MFSD8: variants seen among roughly 807,000 people sequenced by gnomAD.
The protein encoded by MFSD8 is major facilitator superfamily domain containing 8.
A neutral mutation model predicts 66.4 loss-of-function variants in MFSD8; 55 were observed. The observed-to-expected ratio is 0.83, with a 90% CI of 0.67 to 1.04. MFSD8 has a LOEUF of 1.04. MFSD8 is among the 50% of genes least tolerant of loss of function. The pLI is 0.00. For synonymous variants in MFSD8, 202 were observed against 212.8 expected, an observed-to-expected ratio of 0.95 and a Z score of 0.44; for missense variants, 550 against 627.6, an observed-to-expected ratio of 0.88 and a Z score of 1.32.
intron 3 of MFSD8, among the ~76,000 whole-genome samples, chr4:127,947,682 G>A (rs2148935939): frequency 6.6e-6 from 1 of 152,056 alleles, no homozygotes; most frequent in South Asian, 2.1e-4. Context: ...AGGAGAAAGG[G>A]GAGAGCAAAA....
intron 1 of MFSD8, chr4:127,964,779 T>A: frequency 1.8e-6 from 1 of 550,234 alleles, no homozygotes; most frequent in East Asian, 3.2e-5. Flanking sequence ...CTGTGAGGAC[T>A]GCCAGCACGC....
intron 3 of MFSD8, among the ~76,000 whole-genome samples, chr4:127,949,509 G>A (rs1033632381): frequency 1.3e-5 from 2 of 152,178 alleles, no homozygotes; most frequent in African/African-American, 4.8e-5. Flanking sequence ...AGGTAATGAT[G>A]GAATATGAAT....
At chr4:127,962,734 C>T (rs1005990488) in intron 1 of MFSD8, among the ~76,000 whole-genome samples, 2 of 152,166 alleles carry the variant, frequency 1.3e-5, no homozygotes, top group African/African-American at 4.8e-5. Flanking sequence ...TCCCAAATGT[C>T]TCAATAGGCT....
chr4:127,943,571 G>C (rs1382499221), intron 4 of MFSD8, 181 bp downstream of exon 4: 1 of 645,524 alleles, frequency 1.5e-6, no homozygotes, highest in Non-Finnish European at 2.6e-6. Flanking sequence ...AGAAACTATA[G>C]GTAATGAGAA....
chr4:127,923,556 TTATTA>T (rs1250077105), intron 9 of MFSD8, among the ~76,000 whole-genome samples: 1,325 of 70,600 alleles, frequency 0.019, 25 homozygotes, highest in African/African-American at 0.068. Context: ...TTTTTATTTA[TTATTA>T]TTATTATTAT....
At chr4:127,949,891 A>C (rs766792076) in intron 2 of MFSD8, 44 bp from the exon 3 acceptor site, 7 of 1,519,288 alleles carry the variant, frequency 4.6e-6, no homozygotes, top group Non-Finnish European at 6.4e-6. Context: ...TAATAATTTA[A>C]TCATTATTAC....
At position 127,921,524 on chromosome 4, in the gene MFSD8, C is replaced by T. The variant is rs796052738; in HGVS notation, c.1350G>A (p.Gln450=). The change falls in exon 11 of 12, where the codon CAG becomes CAA. Residue 450 remains glutamine, a splice_region_variant and synonymous_variant. Transcript: ENST00000641686. ...LYSKILGPKP[Q]GVYMGWLTAS... ...TGCAATGTCAGGGTACCTGGCTTAC[C>T]TGAGGTTTTGGTCCTAGAATTTTTG... 6.2e-7 allele frequency: 1 copy of T among 1,614,110 alleles called. No individual in the cohort carries two copies. The highest frequency in any genetic ancestry group is 8.5e-7 in the Non-Finnish European group (1 of 1,180,034).
chr4:127,922,685 T>C (rs1323243779), intron 9 of MFSD8, among the ~76,000 whole-genome samples: 1 of 152,132 alleles, frequency 6.6e-6, no homozygotes, highest in African/African-American at 2.4e-5. Flanking sequence ...AAGTACTCTT[T>C]GGTCAGTTTT....
At chr4:127,921,999 A>G (rs767246880) in intron 9 of MFSD8, 36 bp from the exon 10 acceptor site, 3 of 1,540,972 alleles carry the variant, frequency 1.9e-6, no homozygotes, top group Non-Finnish European at 1.8e-6. Context: ...TTTTAAAATG[A>G]AACATTATAA....
chr4:127,933,214 G>A (rs1738464193), intron 7 of MFSD8, 121 bp from the exon 8 acceptor site: 1 of 758,550 alleles, frequency 1.3e-6, no homozygotes, highest in African/African-American at 1.8e-5. Flanking sequence ...AAAATTTTTA[G>A]GCTTCAAAGT....
rs931074042 is a variant in MFSD8 at position 127,963,589 on chromosome 4, A to G, written c.62+1483T>C. Among the ~76,000 whole-genome samples, 5 of 148,706 alleles carry G rather than the reference A, an allele frequency of 3.4e-5. No individual in the cohort carries two copies. The South Asian group carries it at 6.4e-4, about 19-fold the overall frequency. On this transcript the variant is annotated intron_variant, in intron 1 of 11. Coordinates refer to ENST00000641686, the MANE Select transcript of MFSD8 (RefSeq NM_001371596.2). ...GCAGACCTTCGTGGTGAGTGTTACA[A>G]CTCTTAAGGCGGCGCGTCTGGAGTT...
Position 127,921,330 on chromosome 4 carries a change from T to A in MFSD8, c.1350+194A>T. On this transcript the variant is annotated intron_variant, in intron 11 of 11. Transcript: ENST00000641686. ...CAATGCCACTCCTACAACTTCTGTA[T>A]CCAAAACTATAACCCACATAACCTA... 3.2e-6 allele frequency: 3 copies of A among 925,620 alleles called. No individual in the cohort carries two copies. In the South Asian group the frequency reaches 5.2e-5, roughly 16 times the overall value. 57.3% of individuals were successfully genotyped at this position (925,620 alleles called of 1,614,324 possible). A position where few individuals can be genotyped will look rare whatever the true frequency, so the allele number is the denominator to read the frequency against.
intron 3 of MFSD8, among the ~76,000 whole-genome samples, chr4:127,948,049 G>A (rs1370661877): frequency 6.6e-6 from 1 of 152,032 alleles, no homozygotes; most frequent in Non-Finnish European, 1.5e-5. Flanking sequence ...TGGTTTGAAT[G>A]TGTCCCCCAA....
intron 2 of MFSD8, among the ~76,000 whole-genome samples, chr4:127,956,055 G>A (rs767273810): frequency 5.3e-5 from 8 of 151,426 alleles, no homozygotes; most frequent in Admixed American, 2.0e-4. Context: ...GGAGGCAGAG[G>A]TTGCAGTAAG....
In MFSD8 at chr4:127,930,601, T is replaced by C. The variant is rs908017622; in HGVS notation, c.998+82A>G. On this transcript the variant is annotated intron_variant, in intron 9 of 11. Transcript: ENST00000641686. The stretch of plus-strand genomic sequence containing the variant: ...AAAAAAAAGCTTTAAATTATTTTCC[T>C]GGTATATCCATTTGCATTGTTAGCT... 12 of 1,441,972 alleles carry C rather than the reference T, an allele frequency of 8.3e-6. No homozygotes were observed. The Admixed American group carries it at 1.2e-4, about 14-fold the overall frequency. 89.3% of individuals were successfully genotyped at this position (1,441,972 alleles called of 1,614,324 possible). A position where few individuals can be genotyped will look rare whatever the true frequency, so the allele number is the denominator to read the frequency against.
At chr4:127,933,141 T>C in intron 7 of MFSD8, 48 bp from the exon 8 acceptor site, 3 of 1,445,612 alleles carry the variant, frequency 2.1e-6, no homozygotes, top group Non-Finnish European at 2.9e-6. Flanking sequence ...ATCTAATTTT[T>C]CTTATGACAT....
chr4:127,940,055 A>T, intron 5 of MFSD8, 58 bp from the exon 6 acceptor site: 1 of 1,459,052 alleles, frequency 6.9e-7, no homozygotes, highest in Non-Finnish European at 9.5e-7. Context: ...AGGATAAAAA[A>T]ATGAAAAAGA....
chr4:127,960,218 G>C (rs1312361252), intron 1 of MFSD8, among the ~76,000 whole-genome samples: 2 of 152,156 alleles, frequency 1.3e-5, no homozygotes, highest in African/African-American at 4.8e-5. Context: ...GAACTGATCA[G>C]CAAAATGAGT....
chr4:127,954,475 G>C (rs1016795192), intron 2 of MFSD8, among the ~76,000 whole-genome samples: 5 of 152,126 alleles, frequency 3.3e-5, no homozygotes, highest in African/African-American at 1.2e-4. Flanking sequence ...AATTAGCCAG[G>C]TGTGGTGGCA....
Sources: allele counts gnomAD v4.1 joint callset (sites outside exome capture counted in the v4.1 genomes callset), GRCh38; gene constraint gnomAD v4.1.1; transcripts MANE v1.5; gene names NCBI Gene and HGNC (gene_info 2026-07-23, HGNC 2026-07-21).